PRPSAP1: variants seen among roughly 807,000 people sequenced by gnomAD.
The protein encoded by PRPSAP1 is phosphoribosyl pyrophosphate synthase-associated protein 1.
Under a neutral mutation model 39.4 loss-of-function variants are expected in PRPSAP1, and 31 were observed. That is an observed-to-expected ratio of 0.79 (90% CI 0.59 to 1.06). The LOEUF (loss-of-function observed/expected upper bound fraction) is 1.06. Ranked by LOEUF, PRPSAP1 falls within the 50% of genes least tolerant of loss-of-function variation. The pLI is 0.00. For missense variants in PRPSAP1, 430 were observed against 511.6 expected (o/e 0.84, Z 1.54); for synonymous variants, 212 against 192.6 (o/e 1.10, Z -0.83).
intron 7 of PRPSAP1, 98 bp downstream of exon 7, chr17:76,328,619 C>G: frequency 1.4e-6 from 2 of 1,469,862 alleles, no homozygotes. Flanking sequence ...AAAAACAAAA[C>G]AAAACAAAAC....
intron 3 of PRPSAP1, among the ~76,000 whole-genome samples, chr17:76,333,270 G>A (rs1401216675): frequency 3.3e-5 from 5 of 152,010 alleles, no homozygotes; most frequent in South Asian, 2.1e-4. Context: ...ACCACCACAC[G>A]TGGCTAATTT....
intron 2 of PRPSAP1, among the ~76,000 whole-genome samples, chr17:76,346,318 T>C (rs1413907243): frequency 6.6e-6 from 1 of 152,160 alleles, no homozygotes; most frequent in Non-Finnish European, 1.5e-5. Context: ...TCCCTTCTAG[T>C]TTTGAGAGAC....
Position 76,344,752 on chromosome 17 carries a change from T to G in PRPSAP1, c.224-15A>C. The G allele has an allele frequency of 2.0e-6, 3 of 1,530,640 alleles. No homozygotes were observed. Among genetic ancestry groups the G allele is most frequent in the Non-Finnish European group, 2.7e-6 (3 of 1,124,728 alleles). 94.8% of individuals were successfully genotyped at this position (1,530,640 alleles called of 1,614,324 possible). A position where few individuals can be genotyped will look rare whatever the true frequency, so the allele number is the denominator to read the frequency against. ...AACTCTTGTTTCTGAAAAATAAAAA[T>G]GTTCTGAAGTTTTAAGAAAAGCTCC... is the stretch of plus-strand genomic sequence containing the variant. On this transcript the variant is annotated splice_polypyrimidine_tract_variant and intron_variant, in intron 2 of 9. Coordinates refer to ENST00000446526, the MANE Select transcript of PRPSAP1 (RefSeq NM_002766.3).
At chr17:76,330,358 A>G (rs2143499530) in intron 5 of PRPSAP1, 193 bp downstream of exon 5, 1 of 603,662 alleles carries the variant, frequency 1.7e-6, no homozygotes, top group East Asian at 2.8e-5. Flanking sequence ...ATACGTAGAA[A>G]AAAAATCTGT....
At chr17:76,326,128 T>C (rs911630842) in intron 7 of PRPSAP1, among the ~76,000 whole-genome samples, 6 of 152,124 alleles carry the variant, frequency 3.9e-5, no homozygotes, top group Admixed American at 2.6e-4. Context: ...GTGACGACAA[T>C]GAATTATAAC....
chr17:76,319,187 C>A (rs972301747), intron 7 of PRPSAP1, among the ~76,000 whole-genome samples: 1 of 152,008 alleles, frequency 6.6e-6, no homozygotes, highest in Non-Finnish European at 1.5e-5. Flanking sequence ...ATCTGCCTGC[C>A]TCGGCCTCCC....
chr17:76,313,723 T>C (rs180866246), intron 8 of PRPSAP1, 98 bp downstream of exon 8: 1 of 1,327,808 alleles, frequency 7.5e-7, no homozygotes, highest in Non-Finnish European at 1.1e-6. Context: ...ATGGATCCAT[T>C]CGGATCATCG....
chr17:76,339,079 T>C (rs944834982), intron 3 of PRPSAP1, among the ~76,000 whole-genome samples: 4 of 151,738 alleles, frequency 2.6e-5, no homozygotes, highest in East Asian at 3.9e-4. Flanking sequence ...CTTTAGTTGG[T>C]ACTAAAGTAT....
intron 3 of PRPSAP1, among the ~76,000 whole-genome samples, chr17:76,341,234 G>GTTTTTT (rs5822126): frequency 1.7e-5 from 2 of 119,976 alleles, no homozygotes; most frequent in Non-Finnish European, 1.7e-5. Flanking sequence ...ACTTTTTTTT[G>GTTTTTT]TTTTTTTTTT....
chr17:76,339,829 TTC>T (rs2071416907), intron 3 of PRPSAP1, among the ~76,000 whole-genome samples: 1 of 151,692 alleles, frequency 6.6e-6, no homozygotes. Context: ...TGGCCAAAAT[TTC>T]TTTTTTCTTT....
chr17:76,310,112 C>T lies in PRPSAP1; in HGVS notation c.*1430G>A, dbSNP rs982820732. ...CCAATTAATTCTCCTGCCTCAGCCTCCCGAGTAGCTGGGATTACAGGCGTG... is the reference window on the plus strand; with the variant it reads ...CCAATTAATTCTCCTGCCTCAGCCTTCCGAGTAGCTGGGATTACAGGCGTG... On this transcript the variant is annotated 3_prime_UTR_variant, in exon 10 of 10. Transcript: ENST00000446526. 1 of 152,074 alleles carries T rather than the reference C, an allele frequency of 6.6e-6. No homozygotes were observed. Among genetic ancestry groups the T allele is most frequent in the African/African-American group, 2.4e-5 (1 of 41,400 alleles). The allele number at this position is 152,074 out of a possible 1,614,324, so 9.4% of individuals were successfully genotyped here.
chr17:76,311,729 C>G (rs370909508), intron 9 of PRPSAP1, 29 bp from the exon 10 acceptor site: 2 of 1,601,812 alleles, frequency 1.2e-6, no homozygotes, highest in Non-Finnish European at 1.7e-6. Context: ...AAAACAAACG[C>G]TGTTACTGAA....
chr17:76,353,900 G>A lies in PRPSAP1; in HGVS notation c.-197C>T. On this transcript the variant is annotated 5_prime_UTR_variant, in exon 1 of 10. Transcript: ENST00000446526. ...AGCCTTCGCAGCGCCCGGCGCCGCC[G>A]CCTCAGAGCCAGAGGCAAGGCCACC... 1 of 1,332,486 alleles carries A rather than the reference G, an allele frequency of 7.5e-7. No individual in the cohort carries two copies. Among genetic ancestry groups the A allele is most frequent in the Non-Finnish European group, 9.5e-7 (1 of 1,047,326 alleles). 82.5% of individuals were successfully genotyped at this position (1,332,486 alleles called of 1,614,324 possible).
intron 3 of PRPSAP1, among the ~76,000 whole-genome samples, chr17:76,333,974 G>T (rs424453): frequency 2.6e-5 from 4 of 151,890 alleles, no homozygotes; most frequent in Admixed American, 6.6e-5. Flanking sequence ...CTGCAGCCTC[G>T]AACTCCCGGG....
chr17:76,344,780 T>C (rs746560622), intron 2 of PRPSAP1, 43 bp from the exon 3 acceptor site: 55 of 1,451,312 alleles, frequency 3.8e-5, no homozygotes, highest in Non-Finnish European at 5.1e-5. Context: ...AAAGCTCCTA[T>C]GTTAAAAAGG....
Position 76,312,934 on chromosome 17 carries a change from A to C in PRPSAP1, c.935T>G (p.Met312Arg). 1.2e-6 allele frequency: 2 copies of C among 1,614,174 alleles called. No individual in the cohort carries two copies. Among genetic ancestry groups the C allele is most frequent in the Non-Finnish European group, 1.7e-6 (2 of 1,180,024 alleles). ...TGCAGACAGGATGCCGTGGGTGGCC[A>C]TAACATAGATCTTATAGGCGCCTCT... ...KERGAYKIYV[M>R]ATHGILSAEA... Residue 312 changes from methionine (M) to arginine (R), a missense_variant, in exon 9 of 10, where the codon ATG becomes AGG. By Grantham distance (91) the Met-to-Arg change is moderately conservative. Around this residue, in one of 2 missense-constraint regions of PRPSAP1, gnomAD observed 278 missense variants for 376.3 expected, o/e 0.74. Coordinates refer to ENST00000446526, the MANE Select transcript of PRPSAP1 (RefSeq NM_002766.3).
At chr17:76,328,890 C>T in intron 6 of PRPSAP1, 28 bp from the exon 7 acceptor site, 2 of 1,586,178 alleles carry the variant, frequency 1.3e-6, no homozygotes, top group Non-Finnish European at 1.7e-6. Flanking sequence ...AATGGTGAAA[C>T]TGACAGGAAG....
chr17:76,330,209 G>T, intron 5 of PRPSAP1, 111 bp from the exon 6 acceptor site: 1 of 929,724 alleles, frequency 1.1e-6, no homozygotes, highest in Non-Finnish European at 1.6e-6. Context: ...CATCAAATAT[G>T]CTAGAATTTT....
At position 76,310,670 on chromosome 17, in the gene PRPSAP1, T is replaced by G. The variant is rs2071061575; in HGVS notation, c.*872A>C. 6.6e-6 allele frequency: 1 copy of G among 152,004 alleles called. No homozygotes were observed. Among genetic ancestry groups the G allele is most frequent in the Non-Finnish European group, 1.5e-5 (1 of 67,996 alleles). 9.4% of individuals were successfully genotyped at this position (152,004 alleles called of 1,614,324 possible). The stretch of plus-strand genomic sequence containing the variant: ...TTTTGTAGACATGGGGGTTTCGCCA[T>G]GTTTCCCAGGCTGGTCTGAAACTCC... On this transcript the variant is annotated 3_prime_UTR_variant, in exon 10 of 10. Transcript: ENST00000446526.
Sources: allele counts gnomAD v4.1 joint callset (sites outside exome capture counted in the v4.1 genomes callset), GRCh38; gene constraint gnomAD v4.1.1; regional missense constraint gnomAD v4.1.1; transcripts MANE v1.5; gene names NCBI Gene and HGNC (gene_info 2026-07-23, HGNC 2026-07-21).